Variants in ANKRD30B observed in about 807,000 individuals in gnomAD.
ANKRD30B encodes ankyrin repeat domain 30B, also known as ankyrin repeat domain-containing protein 30B.
A neutral mutation model predicts 202.2 loss-of-function variants in ANKRD30B; 144 were observed. The observed-to-expected ratio is 0.71, with a 90% confidence interval of 0.62 to 0.82. ANKRD30B has a LOEUF of 0.82. Among genes scored for constraint, ANKRD30B ranks in the 40% least tolerant of loss-of-function variants. The probability of loss-of-function intolerance (pLI) is 0.00; values close to 1 mark genes in which losing one functional copy is unlikely to be tolerated. For missense variants in ANKRD30B, 1,487 were observed against 1,669.1 expected (o/e 0.89, Z 1.90); for synonymous variants, 508 against 561.3 (o/e 0.91, Z 1.34).
At chr18:14,831,181 G>GAAAAAGAAAAA (rs1970910588) in intron 33 of ANKRD30B, among the ~76,000 whole-genome samples, 1 of 52,358 alleles carries the variant, frequency 1.9e-5, no homozygotes, top group Non-Finnish European at 3.4e-5. Flanking sequence ...CTCCGTCTCG[G>GAAAAAGAAAAA]AAAAAAAAAA....
At chr18:14,868,132 C>G in the ANKRD30B span, among the ~76,000 whole-genome samples, 1 of 152,278 alleles carries the variant, frequency 6.6e-6, no homozygotes, top group Admixed American at 6.5e-5. Flanking sequence ...TGGAGGGTGA[C>G]AGCAGCGCTG....
At chr18:14,796,442 C>A (rs1968898980) in intron 18 of ANKRD30B, 27 bp downstream of exon 18, 4 of 1,532,686 alleles carry the variant, frequency 2.6e-6, no homozygotes, top group Admixed American at 2.1e-5. Flanking sequence ...AACTTTTAAT[C>A]TGTAATTAAG....
intron 7 of ANKRD30B, among the ~76,000 whole-genome samples, chr18:14,764,455 G>A (rs1915774211): frequency 2.0e-5 from 3 of 152,068 alleles, no homozygotes; most frequent in East Asian, 3.9e-4. Context: ...AATGGCGCGA[G>A]CGATCTCGGC....
chr18:14,900,113 ATCC>A, the ANKRD30B span, among the ~76,000 whole-genome samples: 1 of 152,154 alleles, frequency 6.6e-6, no homozygotes, highest in East Asian at 1.9e-4. Flanking sequence ...AGTTAAATTA[ATCC>A]CCCAAGTACC....
intron 34 of ANKRD30B, 119 bp downstream of exon 34, chr18:14,831,574 G>A: frequency 3.8e-6 from 2 of 528,040 alleles, no homozygotes; most frequent in Non-Finnish European, 3.3e-6. Context: ...ATATAAAGTT[G>A]GTCACATAAA....
intron 36 of ANKRD30B, among the ~76,000 whole-genome samples, chr18:14,839,322 C>G (rs1432309160): frequency 6.6e-6 from 1 of 152,134 alleles, no homozygotes; most frequent in Non-Finnish European, 1.5e-5. Flanking sequence ...CAGAGTAGAT[C>G]TTTCTGCAAC....
chr18:14,756,523 T>C (rs576152228), intron 4 of ANKRD30B, among the ~76,000 whole-genome samples: 7 of 152,130 alleles, frequency 4.6e-5, no homozygotes, highest in Non-Finnish European at 8.8e-5. Flanking sequence ...TCTTCTAGAG[T>C]TTTTATGGTT....
At chr18:14,783,772 CAGATGGATAA>C (rs1401131100) in intron 12 of ANKRD30B, among the ~76,000 whole-genome samples, 3 of 151,950 alleles carry the variant, frequency 2.0e-5, no homozygotes, top group Non-Finnish European at 2.9e-5. Context: ...AAGAAGCATT[CAGATGGATAA>C]ACTGGAGGAT....
At chr18:14,777,717 G>A (rs907761959) in intron 9 of ANKRD30B, among the ~76,000 whole-genome samples, 26 of 151,550 alleles carry the variant, frequency 1.7e-4, no homozygotes, top group African/African-American at 2.7e-4. Context: ...TGAGGCGGGC[G>A]GATCACTTGA....
chr18:14,912,975 T>C, the ANKRD30B span, among the ~76,000 whole-genome samples: 1 of 152,268 alleles, frequency 6.6e-6, no homozygotes, highest in Non-Finnish European at 1.5e-5. Flanking sequence ...TCCAAATGTT[T>C]GCAATTATGC....
At chr18:14,897,600 T>C in the ANKRD30B span, among the ~76,000 whole-genome samples, 6 of 151,404 alleles carry the variant, frequency 4.0e-5, no homozygotes, top group African/African-American at 1.2e-4. Flanking sequence ...AAAGTTAGCA[T>C]AATATTTTTT....
intron 42 of ANKRD30B, 118 bp downstream of exon 42, chr18:14,852,538 A>T (rs1598725285): frequency 6.2e-6 from 8 of 1,288,446 alleles, no homozygotes; most frequent in African/African-American, 1.5e-5. Context: ...TACTTACTAT[A>T]TCAGCTTAGA....
downstream of ANKRD30B, among the ~76,000 whole-genome samples, chr18:14,856,057 A>G (rs1972099381): frequency 7.6e-6 from 1 of 131,202 alleles, no homozygotes; most frequent in Non-Finnish European, 1.7e-5. Context: ...GGCCGGGCAG[A>G]GGCGCTCCTC....
intron 22 of ANKRD30B, among the ~76,000 whole-genome samples, chr18:14,800,122 T>C (rs574157190): frequency 9.3e-5 from 14 of 151,114 alleles, no homozygotes; most frequent in African/African-American, 2.9e-4. Flanking sequence ...ATCTCAGCTA[T>C]TCTGGAGGCT....
downstream of ANKRD30B, among the ~76,000 whole-genome samples, chr18:14,859,133 A>C (rs1305873456): frequency 3.0e-5 from 4 of 132,154 alleles, no homozygotes; most frequent in East Asian, 8.4e-4. Context: ...CACCTCCCAG[A>C]CGGGGAGACC....
intron 10 of ANKRD30B, among the ~76,000 whole-genome samples, chr18:14,778,992 G>C (rs756022398): frequency 3.9e-5 from 6 of 152,196 alleles, no homozygotes; most frequent in Non-Finnish European, 8.8e-5. Flanking sequence ...GAGAAAAAAA[G>C]TGTTGGGAAA....
At chr18:14,848,496 G>C (rs1337581450) in intron 39 of ANKRD30B, among the ~76,000 whole-genome samples, 1 of 151,636 alleles carries the variant, frequency 6.6e-6, no homozygotes, top group Non-Finnish European at 1.5e-5. Flanking sequence ...ATTTATAATT[G>C]TAACTTTTCT....
chr18:14,837,695 G>A lies in ANKRD30B; in HGVS notation c.2988+19G>A, dbSNP rs780556588. ...TTCTGAGGTACTGTGTATTGTTGTT[G>A]TTGTTATTTTAAAACTTAAGTACTC... is the stretch of plus-strand genomic sequence containing the variant. On this transcript the variant is annotated intron_variant, in intron 36 of 43. Coordinates refer to ENST00000690538, the MANE Select transcript of ANKRD30B (RefSeq NM_001367607.2). 2.1e-5 allele frequency: 32 copies of A among 1,533,638 alleles called. No homozygotes were observed. The highest frequency in any genetic ancestry group is 2.7e-5 in the Non-Finnish European group (31 of 1,142,904).
chr18:14,769,744 C>T (rs1276514429), intron 8 of ANKRD30B, among the ~76,000 whole-genome samples: 4 of 152,206 alleles, frequency 2.6e-5, no homozygotes, highest in African/African-American at 9.6e-5. Flanking sequence ...GATCAATTCA[C>T]AAAGTTACAT....
Sources: gnomAD v4.1 joint callset for allele counts (sites outside exome capture counted in the v4.1 genomes callset) on GRCh38, gnomAD v4.1.1 for gene constraint, MANE v1.5 for transcripts, NCBI Gene and HGNC (gene_info 2026-07-23, HGNC 2026-07-21) for gene names.